The following PCCA variants were observed in gnomAD, a reference collection of about 807,000 sequenced individuals.
PCCA encodes propionyl-CoA carboxylase alpha chain, mitochondrial.
A neutral mutation model predicts 101.3 loss-of-function variants in PCCA; 74 were observed. The observed-to-expected ratio is 0.73, with a 90% CI of 0.61 to 0.89. The LOEUF is 0.89. Among genes scored for constraint, PCCA ranks in the 40% least tolerant of loss-of-function variants. PCCA has a pLI of 0.00. For synonymous variants in PCCA, 294 were observed against 313.6 expected (o/e 0.94, Z 0.66); for missense variants, 891 against 907.0 (o/e 0.98, Z 0.23).
chr13:100,130,593 T>C (rs2050407094), intron 4 of PCCA, among the ~76,000 whole-genome samples: 1 of 152,182 alleles, frequency 6.6e-6, no homozygotes, highest in Non-Finnish European at 1.5e-5. Context: ...TGCTTATAAA[T>C]AGTATTTGAA....
At chr13:100,383,013 T>G (rs1466705500) in intron 19 of PCCA, among the ~76,000 whole-genome samples, 1 of 151,968 alleles carries the variant, frequency 6.6e-6, no homozygotes, top group Non-Finnish European at 1.5e-5. Flanking sequence ...TAGAACATAT[T>G]TTTTAGTATA....
intron 4 of PCCA, among the ~76,000 whole-genome samples, chr13:100,125,761 A>G (rs2049895337): frequency 6.6e-6 from 1 of 152,146 alleles, no homozygotes; most frequent in Admixed American, 6.5e-5. Flanking sequence ...AGTATACTGT[A>G]TCAATTTTAA....
intron 18 of PCCA, among the ~76,000 whole-genome samples, chr13:100,352,340 A>T (rs2073365727): frequency 6.6e-6 from 1 of 151,992 alleles, no homozygotes; most frequent in Non-Finnish European, 1.5e-5. Context: ...CAGACATTGT[A>T]TTCGTAATAT....
chr13:100,211,162 A>T (rs1222827353), intron 7 of PCCA, among the ~76,000 whole-genome samples: 2 of 152,212 alleles, frequency 1.3e-5, no homozygotes, highest in African/African-American at 4.8e-5. Context: ...GATGAGATAC[A>T]CATGATCTGC....
chr13:100,307,155 T>C (rs2066514202), intron 14 of PCCA, 37 bp from the exon 15 acceptor site: 1 of 1,463,184 alleles, frequency 6.8e-7, no homozygotes, highest in South Asian at 1.1e-5. Context: ...ATCTACACAA[T>C]ATGAATTACT....
intron 18 of PCCA, among the ~76,000 whole-genome samples, chr13:100,367,584 G>A (rs944808317): frequency 2.7e-5 from 4 of 146,282 alleles, no homozygotes; most frequent in Non-Finnish European, 6.0e-5. Context: ...GTTTAAATTC[G>A]TTTTTTAAAT....
chr13:100,128,298 G>C (rs1324878532), intron 4 of PCCA, among the ~76,000 whole-genome samples: 2 of 152,122 alleles, frequency 1.3e-5, no homozygotes, highest in Admixed American at 1.3e-4. Flanking sequence ...ACCACAAAAC[G>C]AAGTGAAGTT....
chr13:100,519,776 C>CT (rs1329110976), intron 22 of PCCA, among the ~76,000 whole-genome samples: 1 of 152,258 alleles, frequency 6.6e-6, no homozygotes, highest in Non-Finnish European at 1.5e-5. Flanking sequence ...ATTTCATAAG[C>CT]TCTCACGTAT....
intron 19 of PCCA, among the ~76,000 whole-genome samples, chr13:100,408,205 T>C (rs2077806101): frequency 6.6e-6 from 1 of 152,206 alleles, no homozygotes; most frequent in Non-Finnish European, 1.5e-5. Context: ...GTGTGCTAAG[T>C]GCTGCCAAGG....
chr13:100,198,346 C>T (rs2058248348), intron 6 of PCCA: 1 of 152,196 alleles, frequency 6.6e-6, no homozygotes, highest in Non-Finnish European at 1.5e-5. Flanking sequence ...GAGATTGAAT[C>T]TCTGATTAAA....
At chr13:100,227,904 A>G (rs2060237488) in intron 7 of PCCA, among the ~76,000 whole-genome samples, 1 of 152,170 alleles carries the variant, frequency 6.6e-6, no homozygotes, top group African/African-American at 2.4e-5. Context: ...CAATTGTATT[A>G]CTTGTGATAT....
intron 20 of PCCA, among the ~76,000 whole-genome samples, chr13:100,431,689 A>AC (rs1232477483): frequency 6.6e-6 from 1 of 151,612 alleles, no homozygotes; most frequent in Non-Finnish European, 1.5e-5. Context: ...ACACAGTGAA[A>AC]CCCCATCTCC....
chr13:100,202,318 A>G (rs1233581583), intron 6 of PCCA, among the ~76,000 whole-genome samples: 36 of 152,158 alleles, frequency 2.4e-4, no homozygotes, highest in Non-Finnish European at 2.9e-5. Context: ...TGGGTAACAG[A>G]GCAAGACCCT....
intron 12 of PCCA, among the ~76,000 whole-genome samples, chr13:100,286,265 C>T (rs2064638611): frequency 6.6e-6 from 1 of 151,924 alleles, no homozygotes; most frequent in Non-Finnish European, 1.5e-5. Flanking sequence ...AAGGGTGTGC[C>T]CTTACAGATG....
chr13:100,212,278 A>G (rs555944481), intron 7 of PCCA, among the ~76,000 whole-genome samples: 83 of 152,302 alleles, frequency 5.4e-4, no homozygotes, highest in African/African-American at 2.0e-3. Flanking sequence ...CCCTTTACAT[A>G]TTGTCTGTGG....
chr13:100,399,328 T>G (rs1416224763), intron 19 of PCCA, among the ~76,000 whole-genome samples: 1 of 152,208 alleles, frequency 6.6e-6, no homozygotes, highest in African/African-American at 2.4e-5. Context: ...GTAGATTAAA[T>G]TTTTCTTAGT....
chr13:100,331,016 A>G (rs2069481456), intron 17 of PCCA, among the ~76,000 whole-genome samples: 1 of 152,152 alleles, frequency 6.6e-6, no homozygotes, highest in Non-Finnish European at 1.5e-5. Flanking sequence ...TATATAAGGA[A>G]CTCTTCTAAA....
chr13:100,371,505 G>A (rs953656300), intron 19 of PCCA, among the ~76,000 whole-genome samples: 1 of 152,164 alleles, frequency 6.6e-6, no homozygotes, highest in Non-Finnish European at 1.5e-5. Flanking sequence ...GGAAGGCTGA[G>A]ACAGTAGGTT....
chr13:100,293,810 A>G (rs1345553819), intron 12 of PCCA, among the ~76,000 whole-genome samples: 2 of 152,204 alleles, frequency 1.3e-5, no homozygotes, highest in African/African-American at 4.8e-5. Flanking sequence ...GAACCTTAGT[A>G]GAAAATGAAG....
Sources: allele counts gnomAD v4.1 joint callset (sites outside exome capture counted in the v4.1 genomes callset), GRCh38; gene constraint gnomAD v4.1.1; transcripts MANE v1.5; gene names NCBI Gene and HGNC (gene_info 2026-07-23, HGNC 2026-07-21).